CTNNA2: variants seen among roughly 807,000 people sequenced by gnomAD.
The protein encoded by CTNNA2 is catenin alpha 2, also known as catenin alpha-2.
CTNNA2 carries 42 observed loss-of-function variants against 101.0 expected under a neutral mutation model. That is an observed-to-expected ratio of 0.42 (90% CI 0.32 to 0.54). CTNNA2 has a LOEUF of 0.54. CTNNA2 is among the 20% of genes least tolerant of loss of function. The pLI, the probability that CTNNA2 is intolerant of heterozygous loss-of-function variation, is 0.14. For missense variants in CTNNA2, 871 were observed against 1,223.1 expected, an observed-to-expected ratio of 0.71 and a Z score of 4.29; for synonymous variants, 450 against 456.4, an observed-to-expected ratio of 0.99 and a Z score of 0.18.
intron 7 of CTNNA2, among the ~76,000 whole-genome samples, chr2:80,358,644 T>A (rs1220025999): frequency 6.6e-6 from 1 of 152,182 alleles, no homozygotes; most frequent in Non-Finnish European, 1.5e-5. Flanking sequence ...TGAGCCACTG[T>A]GCCCAGCCAC....
intron 7 of CTNNA2, among the ~76,000 whole-genome samples, chr2:80,039,842 C>T (rs1695919497): frequency 6.6e-6 from 1 of 152,076 alleles, no homozygotes; most frequent in Admixed American, 6.5e-5. Flanking sequence ...TTGGCTTGGT[C>T]TTAGCTAGAT....
intron 7 of CTNNA2, among the ~76,000 whole-genome samples, chr2:80,354,760 T>C (rs1673620386): frequency 6.6e-6 from 1 of 152,170 alleles, no homozygotes; most frequent in African/African-American, 2.4e-5. Context: ...ATATTACTTC[T>C]AGATCAGTGT....
In CTNNA2 at chr2:79,891,178, A is replaced by G. The variant is rs1023574513; in HGVS notation, c.852+16836A>G. ...CCCATACATATTACTTGAGGGCCCA[A>G]ATGAATTTATAGTTGGGAGGTTTTA... On this transcript the variant is annotated intron_variant, in intron 6 of 18. Transcript: ENST00000402739. Among the ~76,000 whole-genome samples the G allele has an allele frequency of 4.6e-5, 7 of 152,124 alleles. No homozygotes were observed. The East Asian group carries it at 1.2e-3, about 25-fold the overall frequency.
chr2:80,640,286 C>CT (rs1361497111), intron 18 of CTNNA2, among the ~76,000 whole-genome samples: 10 of 152,130 alleles, frequency 6.6e-5, no homozygotes, highest in African/African-American at 2.2e-4. Flanking sequence ...AATAAGTTTC[C>CT]TTTCCCACAC....
intron 7 of CTNNA2, among the ~76,000 whole-genome samples, chr2:80,139,325 A>G (rs752940237): frequency 2.8e-4 from 43 of 152,058 alleles, no homozygotes; most frequent in African/African-American, 9.7e-4. Flanking sequence ...ATGACCATGG[A>G]TTGGTATTTG....
chr2:79,225,796 G>A (rs944565818), intron 2 of CTNNA2, among the ~76,000 whole-genome samples: 1 of 152,208 alleles, frequency 6.6e-6, no homozygotes, highest in African/African-American at 2.4e-5. Context: ...CAATGAAAAT[G>A]CTCCTGCAAA....
intron 18 of CTNNA2, among the ~76,000 whole-genome samples, chr2:80,629,624 T>C (rs1311587058): frequency 6.6e-6 from 1 of 152,208 alleles, no homozygotes; most frequent in Non-Finnish European, 1.5e-5. Flanking sequence ...TAGTCCCTTT[T>C]CTAGGAAAAC....
chr2:80,598,354 C>T (rs868069120), intron 15 of CTNNA2, among the ~76,000 whole-genome samples: 35 of 151,922 alleles, frequency 2.3e-4, no homozygotes, highest in African/African-American at 3.9e-4. Context: ...CTAACACATG[C>T]GGGGCTTAAA....
At chr2:80,173,907 C>T (rs1012269265) in intron 7 of CTNNA2, among the ~76,000 whole-genome samples, 1 of 152,110 alleles carries the variant, frequency 6.6e-6, no homozygotes, top group African/African-American at 2.4e-5. Flanking sequence ...ACACCAGAAC[C>T]GGGAAGAAAA....
chr2:79,734,032 G>C (rs954784387), intron 2 of CTNNA2, among the ~76,000 whole-genome samples: 19 of 152,092 alleles, frequency 1.2e-4, no homozygotes, highest in Middle Eastern at 3.4e-3. Context: ...GTTTCATTTT[G>C]TTTTAACCTT....
intron 7 of CTNNA2, among the ~76,000 whole-genome samples, chr2:79,931,897 T>G (rs1687470807): frequency 6.6e-6 from 1 of 152,184 alleles, no homozygotes; most frequent in African/African-American, 2.4e-5. Flanking sequence ...ACTCTCAGAA[T>G]CTCTCTCTCC....
At position 80,101,471 on chromosome 2, in the gene CTNNA2, A is replaced by T. The variant is rs552511805; in HGVS notation, c.1056+191674A>T. Among the ~76,000 whole-genome samples, 1,406 of 152,294 alleles carry T rather than the reference A, an allele frequency of 9.2e-3. 20 individuals carry two copies. The highest frequency in any genetic ancestry group is 0.032 in the African/African-American group (1,350 of 41,566). On this transcript the variant is annotated intron_variant, in intron 7 of 18. Coordinates refer to ENST00000402739, the MANE Select transcript of CTNNA2 (RefSeq NM_001282597.3). ...GAGCTGATTCTTTTTTATTATTTTT[A>T]TCTTCTTCTGAAACTTTCATTCAGA...
intron 7 of CTNNA2, among the ~76,000 whole-genome samples, chr2:79,984,880 C>A (rs2103857825): frequency 6.6e-6 from 1 of 152,262 alleles, no homozygotes; most frequent in Admixed American, 6.5e-5. Context: ...TTTCCCATCA[C>A]CTATAGTAAG....
intron 7 of CTNNA2, among the ~76,000 whole-genome samples, chr2:80,164,740 T>G (rs191555464): frequency 8.3e-4 from 126 of 151,486 alleles, no homozygotes; most frequent in African/African-American, 2.9e-3. Flanking sequence ...TTGGGGGAGG[T>G]CTATTGATAA....
chr2:79,745,599 G>C (rs1363371438), intron 3 of CTNNA2, among the ~76,000 whole-genome samples: 3 of 151,942 alleles, frequency 2.0e-5, no homozygotes, highest in Non-Finnish European at 4.4e-5. Flanking sequence ...CCTCCTCCCT[G>C]AAGCCTCTGG....
chr2:79,856,693 T>A (rs1179541019), intron 3 of CTNNA2, among the ~76,000 whole-genome samples: 19 of 152,180 alleles, frequency 1.2e-4, no homozygotes, highest in Non-Finnish European at 1.5e-5. Context: ...CTGGGTCCCT[T>A]GATGCAAATA....
In CTNNA2 at chr2:79,263,739, T is replaced by C. The variant is rs11678135; in HGVS notation, c.-405-48970T>C. On this transcript the variant is annotated intron_variant, in intron 2 of 21. Transcript: ENST00000466387. ...TTGTAAAAGGGAGCTCGGCTCCTTC[T>C]TGCTATCTCACCATGGAATGCCTCC... Among the ~76,000 whole-genome samples, 829 of 152,266 alleles carry C rather than the reference T, an allele frequency of 5.4e-3. 1 individual carries two copies. Among genetic ancestry groups the C allele is most frequent in the Middle Eastern group, 0.014 (4 of 294 alleles).
intron 4 of CTNNA2, among the ~76,000 whole-genome samples, chr2:79,412,380 C>T (rs1678425032): frequency 6.6e-6 from 1 of 152,024 alleles, no homozygotes; most frequent in Non-Finnish European, 1.5e-5. Flanking sequence ...GAACTCAGCT[C>T]TGCACCAAGC....
intron 7 of CTNNA2, chr2:80,313,261 C>T: frequency 1.7e-6 from 1 of 585,904 alleles, no homozygotes; most frequent in Non-Finnish European, 2.4e-6. Context: ...CAAGCTGTCT[C>T]ACTCCTCAAT....
Sources: allele counts gnomAD v4.1 joint callset (sites outside exome capture counted in the v4.1 genomes callset), GRCh38; gene constraint gnomAD v4.1.1; transcripts MANE v1.5; gene names NCBI Gene and HGNC (gene_info 2026-07-23, HGNC 2026-07-21).